The following STAM2 variants were observed in gnomAD, a reference collection of about 807,000 sequenced individuals.
STAM2 encodes signal transducing adaptor molecule 2, also known as signal transducing adapter molecule 2.
STAM2 carries 51 observed loss-of-function variants against 65.6 expected under a neutral mutation model. The ratio of observed to expected loss-of-function variants is 0.78; its 90% CI spans 0.62 to 0.98. The LOEUF (loss-of-function observed/expected upper bound fraction) is 0.98, where lower values mean the gene tolerates loss of function less well. Ranked by LOEUF, STAM2 falls within the 50% of genes least tolerant of loss-of-function variation. The pLI is 0.00. For missense variants in STAM2, 584 were observed against 617.8 expected (o/e 0.95, Z 0.58); for synonymous variants, 198 against 208.4 (o/e 0.95, Z 0.43).
chr2:152,158,483 A>AG (rs1560221407), intron 1 of STAM2, among the ~76,000 whole-genome samples: 1 of 152,162 alleles, frequency 6.6e-6, no homozygotes, highest in African/African-American at 2.4e-5. Flanking sequence ...CTCAAAAAAA[A>AG]AATAATAATA....
At position 152,131,775 on chromosome 2, in the gene STAM2, T is replaced by C. The variant is rs149627043; in HGVS notation, c.1025+339A>G. The C allele has an allele frequency of 7.3e-4, 184 of 251,798 alleles. 1 individual carries two copies. The highest frequency in any genetic ancestry group is 4.0e-3 in the African/African-American group (175 of 43,932). The allele number at this position is 251,798 out of a possible 1,614,324, so 15.6% of individuals were successfully genotyped here. On this transcript the variant is annotated intron_variant, in intron 11 of 13. Transcript: ENST00000263904. ...CTGCTGTCCATCACTACAGTGGCAA[T>C]GATGGGCACGGCATGCAGAAAATAC...
At chr2:152,145,020 T>C in intron 5 of STAM2, 63 bp from the exon 6 acceptor site, 1 of 1,254,388 alleles carries the variant, frequency 8.0e-7, no homozygotes, top group Non-Finnish European at 1.2e-6. Context: ...GCTCCATAAT[T>C]ACTTGCAGAT....
At chr2:152,139,557 A>C (rs1689209181) in intron 7 of STAM2, among the ~76,000 whole-genome samples, 1 of 152,058 alleles carries the variant, frequency 6.6e-6, no homozygotes, top group Non-Finnish European at 1.5e-5. Flanking sequence ...ACCCAGTCAT[A>C]CCCTATCTAT....
chr2:152,140,112 A>G (rs1409006159), intron 7 of STAM2, among the ~76,000 whole-genome samples: 3 of 152,196 alleles, frequency 2.0e-5, no homozygotes, highest in Non-Finnish European at 4.4e-5. Flanking sequence ...ATGCTGTTAC[A>G]TATGTTCAGA....
At chr2:152,126,087 A>G (rs1688959785) in intron 12 of STAM2, 139 bp downstream of exon 12, 1 of 713,692 alleles carries the variant, frequency 1.4e-6, no homozygotes, top group Admixed American at 3.7e-5. Flanking sequence ...TTTAGCCAAT[A>G]TTTACTGAAA....
intron 12 of STAM2, 65 bp downstream of exon 12, chr2:152,126,161 A>G: frequency 7.3e-7 from 1 of 1,367,742 alleles, no homozygotes; most frequent in Non-Finnish European, 9.7e-7. Flanking sequence ...TATGCTATAA[A>G]ACATTTTCTT....
intron 7 of STAM2, among the ~76,000 whole-genome samples, chr2:152,139,736 A>T (rs1401161986): frequency 2.0e-5 from 3 of 152,218 alleles, no homozygotes; most frequent in Admixed American, 2.0e-4. Context: ...AGACATACGT[A>T]AAGAAGCGCA....
In STAM2 at chr2:152,120,645, A is replaced by G; in HGVS notation, c.1507T>C (p.Phe503Leu). 1 of 1,614,160 alleles carries G rather than the reference A, an allele frequency of 6.2e-7. No individual in the cohort carries two copies. The highest frequency in any genetic ancestry group is 1.3e-5 in the African/African-American group (1 of 75,050). The change falls in exon 14 of 14, where the codon TTT (phenylalanine) becomes CTT (leucine). Residue 503 changes from phenylalanine (F) to leucine (L), a missense_variant. By Grantham distance (22) the Phe-to-Leu change is conservative. Transcript: ENST00000263904. ...GGATGAGCTGGAACTGTCACCGGAA[A>G]GCCTGCCAGTTGAGGCAAATTGGAA... ...TTSNLPQLAG[F>L]PVTVPAHPVA...
chr2:152,168,163 ATT>A (rs70974828), intron 1 of STAM2, among the ~76,000 whole-genome samples: 3 of 148,942 alleles, frequency 2.0e-5, no homozygotes, highest in Admixed American at 1.3e-4. Flanking sequence ...TACAAGGCCT[ATT>A]TTTTTTTTCT....
intron 1 of STAM2, among the ~76,000 whole-genome samples, chr2:152,155,902 A>G (rs1689534111): frequency 6.6e-6 from 1 of 152,184 alleles, no homozygotes; most frequent in Admixed American, 6.5e-5. Context: ...ATTTTTTGTC[A>G]GTTCTATTAT....
rs756211911 is a variant in STAM2, at chr2:152,120,782, G to A, written c.1370C>T (p.Ser457Phe). 1 of 1,614,142 alleles carries A rather than the reference G, an allele frequency of 6.2e-7. No individual in the cohort carries two copies. Among genetic ancestry groups the A allele is most frequent in the South Asian group, 1.1e-5 (1 of 91,084 alleles). The change falls in exon 14 of 14, where the codon TCC (serine) becomes TTC (phenylalanine). Residue 457 changes from serine to phenylalanine, a missense_variant. Physicochemically the swap from Ser to Phe is radical, Grantham distance 155. Coordinates refer to ENST00000263904, the MANE Select transcript of STAM2 (RefSeq NM_005843.6). Reference protein sequence around the residue: ...SYLSTGQDTVSNPTYMNQNSN... With the variant: ...SYLSTGQDTVFNPTYMNQNSN... ...GTTCTGGTTCATATAAGTAGGATTGGAAACAGTGTCTTGTCCAGTGCTACA... is the reference window on the plus strand; with the variant it reads ...GTTCTGGTTCATATAAGTAGGATTGAAAACAGTGTCTTGTCCAGTGCTACA...
intron 7 of STAM2, among the ~76,000 whole-genome samples, chr2:152,138,426 G>T (rs1689192665): frequency 1.3e-5 from 2 of 151,882 alleles, no homozygotes; most frequent in Non-Finnish European, 2.9e-5. Flanking sequence ...ACTGAGTTTT[G>T]TATGTTGAGC....
At position 152,133,407 on chromosome 2, in the gene STAM2, C is replaced by G; in HGVS notation, c.877G>C (p.Asp293His). ...KKSEPEPVYI[D>H]EDKMDRALQV... ...AAACAAAAGAGGGACCCTACCTCAT[C>G]TATATAAACAGGCTCAGGCTCTGAT... is the stretch of plus-strand genomic sequence containing the variant. Residue 293 changes from aspartate to histidine, a missense_variant, in exon 9 of 14, where the codon GAT (aspartate) becomes CAT (histidine). Physicochemically the swap from Asp to His is moderately conservative, Grantham distance 81. Transcript: ENST00000263904. 6 of 1,611,226 alleles carry G rather than the reference C, an allele frequency of 3.7e-6. No homozygotes were observed. The highest frequency in any genetic ancestry group is 5.1e-6 in the Non-Finnish European group (6 of 1,178,334).
At position 152,175,696 on chromosome 2, in the gene STAM2, C is replaced by T. The variant is rs1690007453; in HGVS notation, c.-54G>A. 1.9e-6 allele frequency: 3 copies of T among 1,575,938 alleles called. No homozygotes were observed. Among genetic ancestry groups the T allele is most frequent in the Non-Finnish European group, 2.6e-6 (3 of 1,160,884 alleles). On this transcript the variant is annotated 5_prime_UTR_variant, in exon 1 of 14. Coordinates refer to ENST00000263904, the MANE Select transcript of STAM2 (RefSeq NM_005843.6). ...CTGTCTAGCTGACACTCAGCAACTG[C>T]TACCCGCCGGGTGACCCGCGGCCGC...
Position 152,123,756 on chromosome 2 carries a change from C to A in STAM2, c.1349+10G>T. On this transcript the variant is annotated intron_variant, in intron 13 of 13. Transcript: ENST00000263904. ...ACACATATAAAATTAACACAGCTCC[C>A]AAAACTTACCTTAAATATGAAGTTT... 1 of 1,613,600 alleles carries A rather than the reference C, an allele frequency of 6.2e-7. No individual in the cohort carries two copies. The highest frequency in any genetic ancestry group is 1.1e-5 in the South Asian group (1 of 90,950).
At chr2:152,164,502 C>A (rs1334870407) in intron 1 of STAM2, among the ~76,000 whole-genome samples, 1 of 152,120 alleles carries the variant, frequency 6.6e-6, no homozygotes, top group Non-Finnish European at 1.5e-5. Context: ...GCCACCACGC[C>A]GGGCTAATTT....
chr2:152,144,779 T>A (rs1271879965), intron 6 of STAM2, 109 bp downstream of exon 6: 1 of 802,554 alleles, frequency 1.2e-6, no homozygotes, highest in East Asian at 2.6e-5. Context: ...CCTCATGATC[T>A]GCCCACTTCG....
chr2:152,123,925 A>G lies in STAM2; in HGVS notation c.1190T>C (p.Val397Ala). The G allele has an allele frequency of 1.2e-6, 2 of 1,614,020 alleles. No individual in the cohort carries two copies. The highest frequency in any genetic ancestry group is 1.7e-6 in the Non-Finnish European group (2 of 1,179,952). ...SSGVPMQTYP[V>A]QSHGGNYMGQ... ...CATATAGTTTCCACCATGTGATTGAACTGGATATGTCTATTAATCAGAAAG... is the reference window on the plus strand; with the variant it reads ...CATATAGTTTCCACCATGTGATTGAGCTGGATATGTCTATTAATCAGAAAG... The change falls in exon 13 of 14, where the codon GTT becomes GCT. Residue 397 changes from valine to alanine, a missense_variant. By Grantham distance (64) the Val-to-Ala change is moderately conservative (BLOSUM62 0). Coordinates refer to ENST00000263904, the MANE Select transcript of STAM2 (RefSeq NM_005843.6).
intron 6 of STAM2, chr2:152,144,687 C>G (rs557736865): frequency 2.3e-6 from 1 of 426,470 alleles, no homozygotes; most frequent in East Asian, 4.5e-5. Context: ...TACAGGCGCC[C>G]GCCACCACGC....
Sources: gnomAD v4.1 joint callset for allele counts (sites outside exome capture counted in the v4.1 genomes callset) on GRCh38, gnomAD v4.1.1 for gene constraint, MANE v1.5 for transcripts, NCBI Gene and HGNC (gene_info 2026-07-23, HGNC 2026-07-21) for gene names.